Variants in DNAH6 observed in about 807,000 individuals in gnomAD.
DNAH6 encodes dynein axonemal heavy chain 6.
Under a neutral mutation model 491.4 loss-of-function variants are expected in DNAH6, and 340 were observed. The ratio of observed to expected loss-of-function variants is 0.69; its 90% CI spans 0.63 to 0.76. The LOEUF (loss-of-function observed/expected upper bound fraction) is 0.76, where lower values mean the gene tolerates loss of function less well. DNAH6 is among the 30% of genes least tolerant of loss of function. The pLI is 0.00. For synonymous variants in DNAH6, 1,603 were observed against 1,686.1 expected (o/e 0.95, Z 1.21); for missense variants, 4,443 against 4,972.2 (o/e 0.89, Z 3.20).
At chr2:84,476,096 A>G in the DNAH6 span, among the ~76,000 whole-genome samples, 2 of 152,224 alleles carry the variant, frequency 1.3e-5, no homozygotes, top group Non-Finnish European at 2.9e-5. Flanking sequence ...GTGAAAACAG[A>G]TTTTGTTAAA....
At chr2:84,512,553 A>C (rs1444363349), upstream of DNAH6, among the ~76,000 whole-genome samples, 1 of 152,184 alleles carries the variant, frequency 6.6e-6, no homozygotes, top group East Asian at 1.9e-4. Flanking sequence ...ACTTCAGGGG[A>C]CACATTCAAA....
intron 53 of DNAH6, 28 bp downstream of exon 53, chr2:84,707,047 C>A: frequency 6.7e-7 from 1 of 1,489,364 alleles, no homozygotes; most frequent in Non-Finnish European, 8.9e-7. Flanking sequence ...TTTACATTGG[C>A]CAGGAAATGC....
At position 84,669,302 on chromosome 2, in the gene DNAH6, G is replaced by A; in HGVS notation, c.6098G>A (p.Gly2033Asp). Residue 2033 changes from glycine (G) to aspartate (D), a missense_variant, in exon 38 of 77, where the codon GGT becomes GAT. By Grantham distance (94) the Gly-to-Asp change is moderately conservative. Around this residue, in one of 3 missense-constraint regions of DNAH6, gnomAD observed 2,977 missense variants for 3,296.6 expected, o/e 0.90. Coordinates refer to ENST00000389394, the MANE Select transcript of DNAH6 (RefSeq NM_001370.2). ...TTTGTACTTTAGCTTCCCAATTCTG[G>A]TGATCTGTGGAGCATTCATATGGAC... Reference protein sequence around the residue: ...DNPDARLPNSGDLWSIHMDFD... With the variant: ...DNPDARLPNSDDLWSIHMDFD... The A allele has an allele frequency of 6.5e-7, 1 of 1,550,020 alleles. No individual in the cohort carries two copies. Among genetic ancestry groups the A allele is most frequent in the Non-Finnish European group, 8.7e-7 (1 of 1,145,562 alleles).
chr2:84,796,519 T>A, intron 69 of DNAH6, 94 bp downstream of exon 69: 1 of 1,114,368 alleles, frequency 9.0e-7, no homozygotes, highest in Non-Finnish European at 1.2e-6. Flanking sequence ...CTGTGTCAGG[T>A]CTCCACAACG....
At chr2:84,794,021 C>T (rs1051340149) in intron 68 of DNAH6, among the ~76,000 whole-genome samples, 15 of 152,022 alleles carry the variant, frequency 9.9e-5, no homozygotes, top group African/African-American at 2.7e-4. Flanking sequence ...GAAATAATGC[C>T]GCATATCTAC....
chr2:84,798,046 G>A (rs531235203), intron 70 of DNAH6, among the ~76,000 whole-genome samples: 49 of 152,242 alleles, frequency 3.2e-4, no homozygotes, highest in Non-Finnish European at 5.6e-4. Flanking sequence ...GGATCCATAC[G>A]TGATTCAATT....
chr2:84,674,663 A>C (rs1395791377), intron 40 of DNAH6, among the ~76,000 whole-genome samples: 2 of 152,212 alleles, frequency 1.3e-5, no homozygotes, highest in East Asian at 1.9e-4. Context: ...TTTACTTTCC[A>C]AATAAGTTTA....
chr2:84,601,072 A>ATAATAATAACGTT (rs1685198853), intron 18 of DNAH6, among the ~76,000 whole-genome samples: 1 of 149,370 alleles, frequency 6.7e-6, no homozygotes, highest in African/African-American at 2.4e-5. Context: ...TACTATAAGG[A>ATAATAATAACGTT]ATCCTTGTAG....
At chr2:84,699,449 T>C in intron 47 of DNAH6, 145 bp from the exon 48 acceptor site, 1 of 704,736 alleles carries the variant, frequency 1.4e-6, no homozygotes. Flanking sequence ...GAGGTTGGAG[T>C]GAATGTTGAA....
chr2:84,804,812 T>C (rs1679262747), intron 70 of DNAH6, among the ~76,000 whole-genome samples: 1 of 152,182 alleles, frequency 6.6e-6, no homozygotes, highest in Non-Finnish European at 1.5e-5. Context: ...TTTATTTATT[T>C]ATTTTTATTT....
At chr2:84,580,247 T>C (rs1226631968) in intron 14 of DNAH6, among the ~76,000 whole-genome samples, 1 of 151,990 alleles carries the variant, frequency 6.6e-6, no homozygotes, top group East Asian at 1.9e-4. Flanking sequence ...AAAAAGTGGA[T>C]ATGGGGACTC....
chr2:84,624,531 A>G lies in DNAH6; in HGVS notation c.4264A>G (p.Asn1422Asp). ...LRYYWDIDLD[N>D]CVARMALSQY... ...CTATTACTGGGATATAGACCTGGAT[A>G]ATTGTGTGGCTAGAATGGCGCTCTC... Residue 1422 changes from asparagine to aspartate, a missense_variant, in exon 28 of 77, where the codon AAT (asparagine) becomes GAT (aspartate). By Grantham distance (23) the Asn-to-Asp change is conservative. Coordinates refer to ENST00000389394, the MANE Select transcript of DNAH6 (RefSeq NM_001370.2). The G allele has an allele frequency of 1.3e-6, 2 of 1,551,892 alleles. No individual in the cohort carries two copies. The highest frequency in any genetic ancestry group is 1.7e-6 in the Non-Finnish European group (2 of 1,146,990).
At chr2:84,717,702 G>A (rs1697677579) in intron 58 of DNAH6, among the ~76,000 whole-genome samples, 1 of 152,206 alleles carries the variant, frequency 6.6e-6, no homozygotes, top group African/African-American at 2.4e-5. Context: ...CAAGTGAAGG[G>A]AGATATAAGT....
At chr2:84,465,805 T>G in the DNAH6 span, among the ~76,000 whole-genome samples, 1 of 152,218 alleles carries the variant, frequency 6.6e-6, no homozygotes, top group Non-Finnish European at 1.5e-5. Context: ...AGGGTTAGCC[T>G]AAATTGCAAA....
intron 44 of DNAH6, among the ~76,000 whole-genome samples, chr2:84,686,823 T>G (rs1298138730): frequency 6.6e-6 from 1 of 152,200 alleles, no homozygotes; most frequent in African/African-American, 2.4e-5. Flanking sequence ...GTAGTAGTGA[T>G]AAAGACCATA....
intron 68 of DNAH6, among the ~76,000 whole-genome samples, chr2:84,792,559 G>A (rs527762259): frequency 5.3e-5 from 8 of 152,212 alleles, no homozygotes; most frequent in South Asian, 2.1e-4. Context: ...ATAAAGGCGC[G>A]GGGGTGAGGG....
intron 17 of DNAH6, among the ~76,000 whole-genome samples, chr2:84,595,174 G>A (rs1452790093): frequency 2.6e-5 from 4 of 152,022 alleles, no homozygotes; most frequent in Admixed American, 6.5e-5. Context: ...TATATGTGTG[G>A]CTATCTGACA....
chr2:84,623,744 A>T (rs144128217), intron 26 of DNAH6, among the ~76,000 whole-genome samples: 9 of 152,316 alleles, frequency 5.9e-5, no homozygotes, highest in Non-Finnish European at 1.2e-4. Flanking sequence ...AGATTTAATT[A>T]TTAAGGTAAA....
the DNAH6 span, among the ~76,000 whole-genome samples, chr2:84,488,939 G>A: frequency 1.3e-5 from 2 of 152,032 alleles, no homozygotes; most frequent in Non-Finnish European, 2.9e-5. Context: ...TGAGTGGCAG[G>A]GAGCACAGAT....
Sources: allele counts gnomAD v4.1 joint callset (sites outside exome capture counted in the v4.1 genomes callset), GRCh38; gene constraint gnomAD v4.1.1; regional missense constraint gnomAD v4.1.1; transcripts MANE v1.5; gene names NCBI Gene and HGNC (gene_info 2026-07-23, HGNC 2026-07-21).